The following ROBO1 variants were observed in gnomAD, a reference collection of about 807,000 sequenced individuals.
The protein encoded by ROBO1 is roundabout guidance receptor 1.
In ROBO1, 149 loss-of-function variants were observed where a neutral mutation model predicts 195.9. That is an observed-to-expected ratio of 0.76 (90% CI 0.67 to 0.87). The LOEUF (loss-of-function observed/expected upper bound fraction) is 0.87, where lower values mean the gene tolerates loss of function less well. Among genes scored for constraint, ROBO1 ranks in the 40% least tolerant of loss-of-function variants. The probability of loss-of-function intolerance (pLI) is 0.00; values close to 1 mark genes in which losing one functional copy is unlikely to be tolerated. For synonymous variants in ROBO1, 816 were observed against 733.2 expected (o/e 1.11, Z -1.82); for missense variants, 1,933 against 2,068.3 (o/e 0.93, Z 1.27).
chr3:79,369,923 G>C (rs57853630), intron 2 of ROBO1, among the ~76,000 whole-genome samples: 2,122 of 152,222 alleles, frequency 0.014, 40 homozygotes, highest in African/African-American at 0.047. Flanking sequence ...AAAGACATAA[G>C]AGAAACATTT....
At chr3:79,681,348 G>A (rs1946941475) in intron 1 of ROBO1, among the ~76,000 whole-genome samples, 1 of 137,816 alleles carries the variant, frequency 7.3e-6, no homozygotes, top group Non-Finnish European at 1.6e-5. Context: ...ATGTCTTCAG[G>A]GAAAATCCAG....
At position 79,261,284 on chromosome 3, in the gene ROBO1, A is replaced by T. The variant is rs1412221338; in HGVS notation, c.89-135745T>A. On this transcript the variant is annotated intron_variant, in intron 2 of 30. Transcript: ENST00000464233. Reference sequence around the variant, plus strand: ...TATGTAGAAGAACAGCTGTAAAAACATTTATTGTATTTTGCTTTTATTTTC... The same window carrying T: ...TATGTAGAAGAACAGCTGTAAAAACTTTTATTGTATTTTGCTTTTATTTTC... 1.3e-5 allele frequency among the ~76,000 whole-genome samples: 2 copies of T among 152,058 alleles called. 1 individual carries two copies. The highest frequency in any genetic ancestry group is 2.9e-5 in the Non-Finnish European group (2 of 67,946).
chr3:79,137,836 A>G (rs1011596557), intron 2 of ROBO1, among the ~76,000 whole-genome samples: 1 of 152,074 alleles, frequency 6.6e-6, no homozygotes, highest in African/African-American at 2.4e-5. Flanking sequence ...TGGAATTTCA[A>G]TAGCATACAA....
intron 26 of ROBO1, 72 bp downstream of exon 26, chr3:78,627,249 A>T: frequency 6.7e-7 from 1 of 1,495,254 alleles, no homozygotes; most frequent in Non-Finnish European, 9.0e-7. Context: ...TTCGTGGGAT[A>T]GCATTTGGTA....
At chr3:79,345,077 T>A (rs931111829) in intron 2 of ROBO1, among the ~76,000 whole-genome samples, 3 of 152,082 alleles carry the variant, frequency 2.0e-5, no homozygotes, top group Non-Finnish European at 2.9e-5. Context: ...TATAGCAGTG[T>A]GAAAACGGAC....
At chr3:79,582,490 C>T (rs1943692893) in intron 2 of ROBO1, among the ~76,000 whole-genome samples, 1 of 151,728 alleles carries the variant, frequency 6.6e-6, no homozygotes, top group Middle Eastern at 3.4e-3. Context: ...AAGAGGACAC[C>T]AAGATTGACT....
intron 1 of ROBO1, among the ~76,000 whole-genome samples, chr3:79,763,157 G>A (rs527335668): frequency 6.6e-6 from 1 of 152,192 alleles, no homozygotes; most frequent in South Asian, 2.1e-4. Context: ...ATGACAATCA[G>A]GAGCAATGCA....
chr3:79,636,262 C>A (rs773418470), intron 1 of ROBO1, among the ~76,000 whole-genome samples: 5 of 152,014 alleles, frequency 3.3e-5, no homozygotes, highest in East Asian at 1.9e-4. Flanking sequence ...ATTGTCTTGT[C>A]GAATACATGG....
At chr3:79,570,881 T>C (rs1476764728) in intron 2 of ROBO1, among the ~76,000 whole-genome samples, 1 of 152,110 alleles carries the variant, frequency 6.6e-6, no homozygotes, top group Non-Finnish European at 1.5e-5. Context: ...CAGTGGAAAA[T>C]TTTAATAAGT....
chr3:78,647,098 G>T (rs1330429442), intron 20 of ROBO1, among the ~76,000 whole-genome samples: 2 of 151,956 alleles, frequency 1.3e-5, no homozygotes, highest in African/African-American at 4.8e-5. Context: ...TTTCCTGGAG[G>T]TGATATGACA....
chr3:78,947,494 T>C (rs1003143445), intron 3 of ROBO1, among the ~76,000 whole-genome samples: 11 of 152,142 alleles, frequency 7.2e-5, no homozygotes. Context: ...AGTCACAACA[T>C]ACCAGAATCT....
intron 1 of ROBO1, among the ~76,000 whole-genome samples, chr3:79,655,600 C>A (rs1946134247): frequency 6.6e-6 from 1 of 151,946 alleles, no homozygotes; most frequent in Non-Finnish European, 1.5e-5. Flanking sequence ...CTAGCTTCAA[C>A]AAAAACATTC....
At chr3:78,742,917 T>C (rs1307258089) in intron 5 of ROBO1, among the ~76,000 whole-genome samples, 4 of 152,190 alleles carry the variant, frequency 2.6e-5, no homozygotes, top group Non-Finnish European at 5.9e-5. Context: ...TAAATGAAGA[T>C]TCTATAATAA....
chr3:79,087,370 T>G (rs2079389890), intron 3 of ROBO1, among the ~76,000 whole-genome samples: 1 of 152,134 alleles, frequency 6.6e-6, no homozygotes, highest in Admixed American at 6.6e-5. Flanking sequence ...TTGTTAAAAT[T>G]TCTTAATGAA....
intron 4 of ROBO1, among the ~76,000 whole-genome samples, chr3:78,805,495 G>A (rs948522973): frequency 6.6e-6 from 1 of 151,932 alleles, no homozygotes; most frequent in Non-Finnish European, 1.5e-5. Context: ...CTAAACAAAT[G>A]TATCTTTTGT....
intron 2 of ROBO1, among the ~76,000 whole-genome samples, chr3:79,183,839 A>T (rs2081388995): frequency 6.6e-6 from 1 of 152,206 alleles, no homozygotes; most frequent in African/African-American, 2.4e-5. Context: ...TTAGTGAATT[A>T]TCTGAATTTT....
At chr3:79,309,179 T>C (rs2033365322) in intron 2 of ROBO1, among the ~76,000 whole-genome samples, 1 of 152,172 alleles carries the variant, frequency 6.6e-6, no homozygotes, top group Admixed American at 6.5e-5. Context: ...TCTGTATGTG[T>C]GCCAGGAAGG....
chr3:79,532,963 A>ATAGTTAAAT (rs1340382215), intron 2 of ROBO1: 2 of 295,864 alleles, frequency 6.8e-6, no homozygotes, highest in African/African-American at 4.5e-5. Context: ...ATTATATGTA[A>ATAGTTAAAT]TAGTTAAATT....
chr3:78,787,156 T>C (rs1310477934), intron 4 of ROBO1, among the ~76,000 whole-genome samples: 4 of 152,186 alleles, frequency 2.6e-5, no homozygotes, highest in African/African-American at 4.8e-5. Flanking sequence ...GTGATATTGA[T>C]GATGCATAGC....
Sources: allele counts gnomAD v4.1 joint callset (sites outside exome capture counted in the v4.1 genomes callset), GRCh38; gene constraint gnomAD v4.1.1; transcripts MANE v1.5; gene names NCBI Gene and HGNC (gene_info 2026-07-23, HGNC 2026-07-21).